The following ABCA13 variants were observed in gnomAD, a reference collection of about 807,000 sequenced individuals.
ABCA13 encodes the protein ATP-binding cassette sub-family A member 13.
A neutral mutation model predicts 478.7 loss-of-function variants in ABCA13; 476 were observed. The ratio of observed to expected loss-of-function variants is 0.99; its 90% CI spans 0.92 to 1.07. The LOEUF (loss-of-function observed/expected upper bound fraction) is 1.07. Ranked by LOEUF, ABCA13 falls within the 50% of genes least tolerant of loss-of-function variation. The probability of loss-of-function intolerance (pLI) is 0.00; values close to 1 mark genes in which losing one functional copy is unlikely to be tolerated. For synonymous variants in ABCA13, 2,252 were observed against 2,158.9 expected, an observed-to-expected ratio of 1.04 and a Z score of -1.20; for missense variants, 6,060 against 5,910.6, an observed-to-expected ratio of 1.03 and a Z score of -0.83.
At chr7:48,433,209 A>G (rs941555657) in intron 42 of ABCA13, among the ~76,000 whole-genome samples, 1 of 151,868 alleles carries the variant, frequency 6.6e-6, no homozygotes, top group Non-Finnish European at 1.5e-5. Context: ...AGATGCTGGT[A>G]ATGGAGTTTG....
intron 43 of ABCA13, among the ~76,000 whole-genome samples, chr7:48,461,748 G>T (rs1324435464): frequency 6.6e-6 from 1 of 152,098 alleles, no homozygotes; most frequent in Non-Finnish European, 1.5e-5. Flanking sequence ...AAAAGAGAGA[G>T]AATCCCTGAT....
In ABCA13 at chr7:48,219,505, G is replaced by A; in HGVS notation, c.439G>A (p.Asp147Asn). 2.5e-6 allele frequency: 4 copies of A among 1,607,774 alleles called. No homozygotes were observed. The highest frequency in any genetic ancestry group is 3.4e-6 in the Non-Finnish European group (4 of 1,178,024). ...RLWVERSNTP[D>N]SSYGSSFFTM... ...TTGGGTAGAACGATCCAACACTCCA[G>A]GCAAGTAAACCTCTCATAACTGTGA... Residue 147 changes from aspartate to asparagine, a missense_variant and splice_region_variant, in exon 4 of 62, where the codon GAT becomes AAT. Physicochemically the swap from Asp to Asn is conservative, Grantham distance 23. Coordinates refer to ENST00000435803, the MANE Select transcript of ABCA13 (RefSeq NM_152701.5).
intron 27 of ABCA13, among the ~76,000 whole-genome samples, chr7:48,324,441 A>G (rs1382370709): frequency 1.3e-5 from 2 of 152,198 alleles, no homozygotes; most frequent in Non-Finnish European, 2.9e-5. Flanking sequence ...GAGGGTTAAG[A>G]CTTCAGCATA....
intron 31 of ABCA13, among the ~76,000 whole-genome samples, chr7:48,365,867 AT>A (rs1187216436): frequency 6.6e-6 from 1 of 152,214 alleles, no homozygotes; most frequent in African/African-American, 2.4e-5. Flanking sequence ...GACATAAAAA[AT>A]GAAAAGATAT....
At chr7:48,605,938 C>A (rs562177035) in intron 58 of ABCA13, among the ~76,000 whole-genome samples, 1 of 152,282 alleles carries the variant, frequency 6.6e-6, no homozygotes, top group East Asian at 1.9e-4. Context: ...CTAATCATGT[C>A]TTCTTGCTTT....
chr7:48,423,160 C>A (rs1820995219), intron 41 of ABCA13, among the ~76,000 whole-genome samples: 1 of 152,182 alleles, frequency 6.6e-6, no homozygotes, highest in Admixed American at 6.5e-5. Context: ...ACAGCCCTGC[C>A]CAAGATCCCA....
chr7:48,495,301 G>A (rs1830178853), intron 48 of ABCA13, among the ~76,000 whole-genome samples: 1 of 151,988 alleles, frequency 6.6e-6, no homozygotes, highest in African/African-American at 2.4e-5. Flanking sequence ...TTTGACCCAG[G>A]GATTATTTCA....
rs776373744 is a variant in ABCA13 at position 48,516,836 on chromosome 7, C to T, written c.13752C>T (p.Leu4584=). 2 of 1,613,760 alleles carry T rather than the reference C, an allele frequency of 1.2e-6. No individual in the cohort carries two copies. The highest frequency in any genetic ancestry group is 1.7e-4 in the Middle Eastern group (1 of 6,058). The stretch of plus-strand genomic sequence containing the variant: ...TCATCTTTGGCCTTTGTACCATGCT[C>T]ATAACCATTATGCCCCGGTTGCTAG... ...LNFIFGLCTM[L]ITIMPRLLAI... Residue 4584 remains leucine, a synonymous_variant, in exon 52 of 62, where the codon CTC becomes CTT. Transcript: ENST00000435803.
intron 33 of ABCA13, 56 bp downstream of exon 33, chr7:48,372,553 C>T (rs1812811412): frequency 1.5e-6 from 2 of 1,364,924 alleles, no homozygotes; most frequent in African/African-American, 1.5e-5. Context: ...TGCAATCTAT[C>T]TAACAAGACA....
rs1791393607 is a variant in ABCA13 at position 48,244,646 on chromosome 7, C to T, written c.1333C>T (p.Leu445Phe). Residue 445 changes from leucine to phenylalanine, a missense_variant, in exon 11 of 62, where the codon CTT becomes TTT. Leu to Phe is a conservative substitution (Grantham distance 22). Coordinates refer to ENST00000435803, the MANE Select transcript of ABCA13 (RefSeq NM_152701.5). ...CCAGTGGCCGGCACTGAAGAGATTT[C>T]TTCAGCTTGATGGAGCTCTCAGAAA... is the stretch of plus-strand genomic sequence containing the variant. ...LPQWPALKRFLQLDGALRNAI... is the reference protein window; with the variant it reads ...LPQWPALKRFFQLDGALRNAI... 6.2e-7 allele frequency: 1 copy of T among 1,612,840 alleles called. No individual in the cohort carries two copies. Among genetic ancestry groups the T allele is most frequent in the South Asian group, 1.1e-5 (1 of 90,946 alleles).
At chr7:48,552,869 GTTA>G (rs1302974616) in intron 55 of ABCA13, among the ~76,000 whole-genome samples, 9 of 151,522 alleles carry the variant, frequency 5.9e-5, no homozygotes, top group African/African-American at 2.2e-4. Context: ...GTATAATTAA[GTTA>G]TTATTGACTG....
At chr7:48,454,193 T>A (rs1024727991) in intron 42 of ABCA13, among the ~76,000 whole-genome samples, 1 of 152,330 alleles carries the variant, frequency 6.6e-6, no homozygotes, top group Admixed American at 6.5e-5. Flanking sequence ...AGCTGATTGA[T>A]CCGGCTGAGT....
At chr7:48,296,010 GT>G in intron 21 of ABCA13, 147 bp downstream of exon 21, 1 of 1,064,080 alleles carries the variant, frequency 9.4e-7, no homozygotes, top group African/African-American at 1.6e-5. Flanking sequence ...AAACATCAAA[GT>G]TTTCCATGAC....
At position 48,272,421 on chromosome 7, in the gene ABCA13, A is replaced by G. The variant is rs771771744; in HGVS notation, c.2755A>G (p.Thr919Ala). 1.2e-6 allele frequency: 2 copies of G among 1,613,818 alleles called. No individual in the cohort carries two copies. The highest frequency in any genetic ancestry group is 1.7e-5 in the Admixed American group (1 of 59,998). Residue 919 changes from threonine to alanine, a missense_variant, in exon 17 of 62, where the codon ACA becomes GCA. By Grantham distance (58) the Thr-to-Ala change is moderately conservative. Coordinates refer to ENST00000435803, the MANE Select transcript of ABCA13 (RefSeq NM_152701.5). ...EQEQISEALN[T>A]VYAIRNASDL... ...GGAACAGATCTCAGAAGCTCTGAAC[A>G]CAGTCTACGCTATCAGGAATGCATC...
At chr7:48,438,989 G>A (rs1195483652) in intron 42 of ABCA13, among the ~76,000 whole-genome samples, 2 of 150,488 alleles carry the variant, frequency 1.3e-5, no homozygotes, top group Non-Finnish European at 2.9e-5. Context: ...ATGATTTCAA[G>A]TTACCCTTAC....
intron 55 of ABCA13, among the ~76,000 whole-genome samples, chr7:48,546,261 C>T (rs1299228896): frequency 6.6e-6 from 1 of 151,756 alleles, no homozygotes; most frequent in African/African-American, 2.4e-5. Flanking sequence ...TTCAAGAGTA[C>T]AAGAACCTTC....
chr7:48,421,001 C>T (rs1396531100), intron 41 of ABCA13, among the ~76,000 whole-genome samples: 1 of 152,048 alleles, frequency 6.6e-6, no homozygotes, highest in African/African-American at 2.4e-5. Flanking sequence ...ATGGGTTTGC[C>T]CTATTTTGCT....
At chr7:48,644,333 A>G (rs1795297139) in intron 60 of ABCA13, among the ~76,000 whole-genome samples, 1 of 152,170 alleles carries the variant, frequency 6.6e-6, no homozygotes, top group South Asian at 2.1e-4. Context: ...TACATTTCAA[A>G]TATCTTTGGG....
At chr7:48,183,114 T>A (rs1210837963) in intron 1 of ABCA13, among the ~76,000 whole-genome samples, 4 of 152,178 alleles carry the variant, frequency 2.6e-5, no homozygotes. Context: ...TATTCTAAAC[T>A]TATGGTGTTT....
Sources: allele counts gnomAD v4.1 joint callset (sites outside exome capture counted in the v4.1 genomes callset), GRCh38; gene constraint gnomAD v4.1.1; transcripts MANE v1.5; gene names NCBI Gene and HGNC (gene_info 2026-07-23, HGNC 2026-07-21).